Variants in ZBTB2 observed in about 807,000 individuals in gnomAD.
ZBTB2 encodes zinc finger and BTB domain-containing protein 2.
ZBTB2 carries 2 observed loss-of-function variants against 39.5 expected under a neutral mutation model. The ratio of observed to expected loss-of-function variants is 0.05; its 90% CI spans 0.02 to 0.16. ZBTB2 has a LOEUF of 0.16. ZBTB2 is among the 10% of genes least tolerant of loss of function. The probability of loss-of-function intolerance (pLI) is 1.00; values close to 1 mark genes in which losing one functional copy is unlikely to be tolerated. For synonymous variants in ZBTB2, 251 were observed against 256.6 expected (o/e 0.98, Z 0.21); for missense variants, 391 against 653.0 (o/e 0.60, Z 4.37).
At chr6:151,389,437 G>T (rs1340881262) in intron 1 of ZBTB2, among the ~76,000 whole-genome samples, 1 of 152,096 alleles carries the variant, frequency 6.6e-6, no homozygotes, top group African/African-American at 2.4e-5. Flanking sequence ...TCTATTAAAC[G>T]TTCAGGGTAC....
chr6:151,390,695 G>A (rs984638272), intron 1 of ZBTB2, among the ~76,000 whole-genome samples: 4 of 151,798 alleles, frequency 2.6e-5, no homozygotes, highest in African/African-American at 9.7e-5. Context: ...AGCTGTAGGA[G>A]CCGCTGCAGC....
At chr6:151,373,870 A>AAAAAAAAAAAAAAC (rs1778843577) in intron 1 of ZBTB2, among the ~76,000 whole-genome samples, 5 of 123,534 alleles carry the variant, frequency 4.0e-5, no homozygotes, top group Admixed American at 9.1e-5. Context: ...AAAAAAAAAA[A>AAAAAAAAAAAAAAC]AAAAAAACCA....
intron 1 of ZBTB2, among the ~76,000 whole-genome samples, chr6:151,378,702 C>T (rs778146683): frequency 6.6e-6 from 1 of 152,220 alleles, no homozygotes; most frequent in Non-Finnish European, 1.5e-5. Flanking sequence ...TCCTCTGACT[C>T]TGATCATGCT....
intron 1 of ZBTB2, among the ~76,000 whole-genome samples, chr6:151,384,862 G>C (rs955540672): frequency 2.6e-5 from 4 of 152,156 alleles, no homozygotes; most frequent in African/African-American, 7.2e-5. Flanking sequence ...ACAAATAAGA[G>C]TCAGGATTGA....
At chr6:151,378,928 C>T (rs71570256) in intron 1 of ZBTB2, among the ~76,000 whole-genome samples, 2 of 152,128 alleles carry the variant, frequency 1.3e-5, no homozygotes, top group African/African-American at 4.8e-5. Flanking sequence ...CATTTATAAA[C>T]GAGGAAATAG....
chr6:151,370,682 C>T (rs543644151), intron 2 of ZBTB2, among the ~76,000 whole-genome samples: 13 of 152,248 alleles, frequency 8.5e-5, no homozygotes, highest in African/African-American at 3.1e-4. Context: ...TCCCTTGGAG[C>T]CAAACTTGAA....
chr6:151,373,413 T>C lies in ZBTB2; in HGVS notation c.173+52A>G, dbSNP rs182070647. 5.6e-6 allele frequency: 9 copies of C among 1,598,246 alleles called. No homozygotes were observed. The African/African-American group carries it at 9.4e-5, about 17-fold the overall frequency. The stretch of plus-strand genomic sequence containing the variant: ...ATGGTCTTGATGAGGGCCAGGGACA[T>C]GGAGGTTAAGAAGTCTACAGTCATT... On this transcript the variant is annotated intron_variant, in intron 2 of 2. Coordinates refer to ENST00000325144, the MANE Select transcript of ZBTB2 (RefSeq NM_020861.3).
intron 1 of ZBTB2, among the ~76,000 whole-genome samples, chr6:151,388,608 C>T (rs990597741): frequency 1.3e-4 from 20 of 152,182 alleles, no homozygotes; most frequent in Admixed American, 6.5e-4. Flanking sequence ...TTCAAGCAAT[C>T]CTCCAGCCTT....
At chr6:151,388,592 C>A (rs1292112096) in intron 1 of ZBTB2, among the ~76,000 whole-genome samples, 1 of 152,146 alleles carries the variant, frequency 6.6e-6, no homozygotes, top group Non-Finnish European at 1.5e-5. Context: ...GTTTTGAACT[C>A]TTGGCTTCAA....
At chr6:151,388,212 A>G (rs1231568469) in intron 1 of ZBTB2, among the ~76,000 whole-genome samples, 2 of 152,222 alleles carry the variant, frequency 1.3e-5, no homozygotes, top group Admixed American at 6.5e-5. Context: ...TGGTAAAAAA[A>G]TTACCAGCAA....
intron 2 of ZBTB2, among the ~76,000 whole-genome samples, chr6:151,367,288 T>C (rs1444644867): frequency 6.6e-6 from 1 of 152,002 alleles, no homozygotes; most frequent in Admixed American, 6.6e-5. Context: ...GCCCAGTTAA[T>C]TTTTGTATTT....
chr6:151,388,586 T>C (rs967748183), intron 1 of ZBTB2, among the ~76,000 whole-genome samples: 10 of 152,214 alleles, frequency 6.6e-5, no homozygotes, highest in African/African-American at 2.4e-4. Context: ...AGGTTGGTTT[T>C]GAACTCTTGG....
At chr6:151,378,769 T>C (rs1239036804) in intron 1 of ZBTB2, among the ~76,000 whole-genome samples, 1 of 152,228 alleles carries the variant, frequency 6.6e-6, no homozygotes, top group Admixed American at 6.5e-5. Context: ...TCATCAACAG[T>C]AGCTTCAAGT....
At chr6:151,384,199 G>A (rs7775640) in intron 1 of ZBTB2, among the ~76,000 whole-genome samples, 2 of 152,020 alleles carry the variant, frequency 1.3e-5, no homozygotes, top group Non-Finnish European at 2.9e-5. Flanking sequence ...ACAATAACCC[G>A]GAAGGGTAGA....
rs993622736 is a variant in ZBTB2, at chr6:151,365,905, C to T, written c.1161G>A (p.Gly387=). 6 of 1,614,054 alleles carry T rather than the reference C, an allele frequency of 3.7e-6. No individual in the cohort carries two copies. Among genetic ancestry groups the T allele is most frequent in the Non-Finnish European group, 5.1e-6 (6 of 1,180,036 alleles). ...CACAAGTGCTGCACTTGAAAGGCTT[C>T]CCGGTGTGTATGTACATGTGTTCCC... ...HWREHMYIHT[G]KPFKCSTCDK... is the part of the protein sequence containing the mutation. The change falls in exon 3 of 3, where the codon GGG becomes GGA. Residue 387 remains glycine, a synonymous_variant. Transcript: ENST00000325144. This position sits in a 1 kb window ranked among gnomAD's most constrained non-coding sequence, Gnocchi z 5.6.
intron 1 of ZBTB2, among the ~76,000 whole-genome samples, chr6:151,385,509 TAAG>T (rs1408005880): frequency 6.6e-6 from 1 of 152,192 alleles, no homozygotes; most frequent in Non-Finnish European, 1.5e-5. Flanking sequence ...ATTTTCAGTG[TAAG>T]AATAGGAGAT....
intron 1 of ZBTB2, among the ~76,000 whole-genome samples, chr6:151,388,878 G>C (rs1779222371): frequency 6.6e-6 from 1 of 152,172 alleles, no homozygotes; most frequent in African/African-American, 2.4e-5. Flanking sequence ...TTGAAGAGAA[G>C]CTTTAAAACT....
At chr6:151,383,169 C>T (rs765181104) in intron 1 of ZBTB2, among the ~76,000 whole-genome samples, 12 of 151,316 alleles carry the variant, frequency 7.9e-5, no homozygotes, top group Non-Finnish European at 1.5e-4. Context: ...ATCCACCCGC[C>T]TCGGCCTCCC....
rs117563350 is a variant in ZBTB2, at chr6:151,378,261, A to G, written c.-12-4612T>C. ...TGATCAGGTCACAAATCAAGAATCCAGAATGTCAAATTTCATATTTTCTGC... is the reference window on the plus strand; with the variant it reads ...TGATCAGGTCACAAATCAAGAATCCGGAATGTCAAATTTCATATTTTCTGC... On this transcript the variant is annotated intron_variant, in intron 1 of 2. Coordinates refer to ENST00000325144, the MANE Select transcript of ZBTB2 (RefSeq NM_020861.3). 7.8e-3 allele frequency among the ~76,000 whole-genome samples: 1,195 copies of G among 152,340 alleles called. 7 individuals are homozygous for G. The highest frequency in any genetic ancestry group is 0.013 in the Non-Finnish European group (894 of 68,028).
Sources: gnomAD v4.1 joint callset for allele counts (sites outside exome capture counted in the v4.1 genomes callset) on GRCh38, gnomAD v4.1.1 for gene constraint, Gnocchi (gnomAD v3.1) non-coding constraint, MANE v1.5 for transcripts, NCBI Gene and HGNC (gene_info 2026-07-23, HGNC 2026-07-21) for gene names.